The following C11orf65 variants were observed in gnomAD, a reference collection of about 807,000 sequenced individuals.
The protein encoded by C11orf65 is protein MFI.
Under a neutral mutation model 35.3 loss-of-function variants are expected in C11orf65, and 38 were observed. The observed-to-expected ratio is 1.08, with a 90% confidence interval of 0.83 to 1.41. The LOEUF is 1.41. Among genes scored for constraint, C11orf65 ranks in the 40% most tolerant of loss-of-function variants. The pLI is 0.00. For synonymous variants in C11orf65, 105 were observed against 114.4 expected, an observed-to-expected ratio of 0.92 and a Z score of 0.53; for missense variants, 370 against 367.1, an observed-to-expected ratio of 1.01 and a Z score of -0.06.
At chr11:108,425,345 T>G (rs547172558) in intron 3 of C11orf65, among the ~76,000 whole-genome samples, 2 of 152,232 alleles carry the variant, frequency 1.3e-5, no homozygotes, top group South Asian at 4.2e-4. Flanking sequence ...AAATACAAAC[T>G]ATCATCAGAG....
chr11:108,377,896 A>G (rs1333171024), downstream of C11orf65, among the ~76,000 whole-genome samples: 2 of 152,070 alleles, frequency 1.3e-5, no homozygotes, highest in Admixed American at 6.5e-5. Flanking sequence ...TTCAAAGAGA[A>G]TAAAATACCT....
At chr11:108,408,506 T>G (rs1051842176) in intron 3 of C11orf65, among the ~76,000 whole-genome samples, 1 of 151,376 alleles carries the variant, frequency 6.6e-6, no homozygotes, top group African/African-American at 2.4e-5. Context: ...TGAAACCCTG[T>G]CTCTACTAAA....
At chr11:108,380,038 A>C (rs1332569193), downstream of C11orf65, among the ~76,000 whole-genome samples, 1 of 152,190 alleles carries the variant, frequency 6.6e-6, no homozygotes, top group East Asian at 1.9e-4. Context: ...AAGAGCCCTC[A>C]TCTCCACGTC....
At chr11:108,387,519 C>T (rs1400735038) in intron 7 of C11orf65, among the ~76,000 whole-genome samples, 2 of 152,024 alleles carry the variant, frequency 1.3e-5, no homozygotes, top group Admixed American at 6.6e-5. Flanking sequence ...TATATACTTC[C>T]AACAGTATTT....
At chr11:108,461,693 T>A (rs149039290) in intron 1 of C11orf65, 125 bp from the exon 2 acceptor site, 145 of 605,342 alleles carry the variant, frequency 2.4e-4, no homozygotes, top group Non-Finnish European at 3.6e-4. Context: ...AGTGGTGCGA[T>A]GATAGCTCAC....
rs764906663 is a variant in C11orf65 at position 108,343,228 on chromosome 11, C to G, written c.227-7936G>C. On this transcript the variant is annotated intron_variant, in intron 2 of 3. Coordinates refer to the C11orf65 transcript ENST00000524755. Reference sequence around the variant, plus strand: ...ATTTAATCTGTAACTCCAGGTGGTTCCCCTCTCTCAGCGAAGTGGTGTTCT... The same window carrying G: ...ATTTAATCTGTAACTCCAGGTGGTTGCCCTCTCTCAGCGAAGTGGTGTTCT... 1 of 1,613,894 alleles carries G rather than the reference C, an allele frequency of 6.2e-7. No homozygotes were observed. Among genetic ancestry groups the G allele is most frequent in the Non-Finnish European group, 8.5e-7 (1 of 1,179,894 alleles).
At chr11:108,325,940 C>A in intron 6 of C11orf65, 2 of 1,262,136 alleles carry the variant, frequency 1.6e-6, no homozygotes, top group Non-Finnish European at 2.2e-6. Context: ...TTAAGATAGT[C>A]CCTGACAAGT....
intron 2 of C11orf65, chr11:108,345,633 C>T (rs1747642882): frequency 2.3e-6 from 2 of 859,530 alleles, no homozygotes; most frequent in East Asian, 2.7e-5. Flanking sequence ...GTAATGTATC[C>T]TGTTCATCTT....
chr11:108,311,388 C>T (rs1052348831), intron 6 of C11orf65, among the ~76,000 whole-genome samples: 4 of 152,012 alleles, frequency 2.6e-5, no homozygotes, highest in South Asian at 4.1e-4. Flanking sequence ...TATAACTGTT[C>T]CTAGTTTAGT....
chr11:108,358,829 C>T (rs1466492879), intron 2 of C11orf65, among the ~76,000 whole-genome samples: 1 of 149,686 alleles, frequency 6.7e-6, no homozygotes, highest in African/African-American at 2.5e-5. Flanking sequence ...CGGTACCAGC[C>T]ACTGCAAAAT....
intron 2 of C11orf65, among the ~76,000 whole-genome samples, chr11:108,370,678 C>G (rs1450975068): frequency 6.6e-6 from 1 of 151,332 alleles, no homozygotes; most frequent in Non-Finnish European, 1.5e-5. Flanking sequence ...CTTTCTGTCC[C>G]TAGGCTGCTG....
intron 3 of C11orf65, among the ~76,000 whole-genome samples, chr11:108,411,797 T>C (rs1408202282): frequency 6.6e-6 from 1 of 151,738 alleles, no homozygotes; most frequent in Non-Finnish European, 1.5e-5. Flanking sequence ...TTTTTCTTTT[T>C]TTTTTTTTGA....
At chr11:108,343,916 C>T (rs2087937762) in intron 2 of C11orf65, among the ~76,000 whole-genome samples, 1 of 152,212 alleles carries the variant, frequency 6.6e-6, no homozygotes, top group South Asian at 2.1e-4. Flanking sequence ...GCTGAATCAG[C>T]AACATTTATT....
At chr11:108,338,338 C>T (rs892790391) in intron 2 of C11orf65, among the ~76,000 whole-genome samples, 3 of 152,048 alleles carry the variant, frequency 2.0e-5, no homozygotes, top group African/African-American at 4.8e-5. Flanking sequence ...GGTGACAGAC[C>T]GAGACTTCTT....
At chr11:108,408,707 A>AT (rs1555166438) in intron 3 of C11orf65, among the ~76,000 whole-genome samples, 1 of 88,820 alleles carries the variant, frequency 1.1e-5, no homozygotes, top group East Asian at 4.8e-4. Context: ...ATAAAATAAA[A>AT]TAAAATAAAA....
chr11:108,416,884 T>C (rs1415410978), intron 3 of C11orf65, among the ~76,000 whole-genome samples: 1 of 152,048 alleles, frequency 6.6e-6, no homozygotes, highest in African/African-American at 2.4e-5. Flanking sequence ...GATCCATCAA[T>C]AGAGAATTTA....
chr11:108,324,620 A>G (rs1313204371), intron 6 of C11orf65, among the ~76,000 whole-genome samples: 1 of 152,134 alleles, frequency 6.6e-6, no homozygotes, highest in Non-Finnish European at 1.5e-5. Flanking sequence ...TTCCCTATCA[A>G]GCAACTAAAA....
chr11:108,352,497 C>T (rs1199108867), intron 2 of C11orf65, among the ~76,000 whole-genome samples: 2 of 152,172 alleles, frequency 1.3e-5, no homozygotes, highest in Admixed American at 1.3e-4. Context: ...TAAGAGGAAA[C>T]CTTCAGCATC....
chr11:108,350,939 A>ACTCC (rs2089128694), intron 2 of C11orf65, among the ~76,000 whole-genome samples: 1 of 152,240 alleles, frequency 6.6e-6, no homozygotes, highest in Admixed American at 6.5e-5. Flanking sequence ...ACTCCAACAC[A>ACTCC]AATGCATACA....
Sources: allele counts gnomAD v4.1 joint callset (sites outside exome capture counted in the v4.1 genomes callset), GRCh38; gene constraint gnomAD v4.1.1; transcripts MANE v1.5; gene names NCBI Gene and HGNC (gene_info 2026-07-23, HGNC 2026-07-21).